Variants in TRIO observed in about 807,000 individuals in gnomAD.
TRIO encodes trio Rho guanine nucleotide exchange factor, also known as triple functional domain protein.
In TRIO, 58 loss-of-function variants were observed where a neutral mutation model predicts 351.9. That is an observed-to-expected ratio of 0.16 (90% CI 0.13 to 0.21). TRIO has a LOEUF of 0.21. TRIO is among the 10% of genes least tolerant of loss of function. The pLI is 1.00. For synonymous variants in TRIO, 1,758 were observed against 1,595.7 expected (o/e 1.10, Z -2.42); for missense variants, 3,201 against 4,027.8 (o/e 0.79, Z 5.56).
chr5:14,375,061 T>C (rs1027725786), intron 19 of TRIO, among the ~76,000 whole-genome samples: 2 of 152,218 alleles, frequency 1.3e-5, no homozygotes, highest in African/African-American at 2.4e-5. Context: ...AACAATATGA[T>C]TGGCAAAAAC....
At chr5:14,291,518 C>G (rs557608591) in intron 5 of TRIO, among the ~76,000 whole-genome samples, 7 of 151,638 alleles carry the variant, frequency 4.6e-5, no homozygotes, top group Non-Finnish European at 8.8e-5. Context: ...ACATTTCGGC[C>G]GTGCTCACGC....
At chr5:14,343,101 AAAAAAG>A (rs746339912) in intron 11 of TRIO, among the ~76,000 whole-genome samples, 18 of 152,154 alleles carry the variant, frequency 1.2e-4, no homozygotes, top group Admixed American at 3.9e-4. Flanking sequence ...AAAAAAAAAA[AAAAAAG>A]AGAGAGAAAT....
chr5:14,237,570 C>T (rs1184556707), intron 1 of TRIO, among the ~76,000 whole-genome samples: 3 of 152,108 alleles, frequency 2.0e-5, no homozygotes, highest in African/African-American at 7.2e-5. Context: ...ATGTGTCGTG[C>T]GCACACCTGC....
At chr5:14,214,593 T>C (rs1057047081) in intron 1 of TRIO, among the ~76,000 whole-genome samples, 22 of 152,244 alleles carry the variant, frequency 1.4e-4, no homozygotes, top group African/African-American at 5.1e-4. Context: ...GCATCTACCG[T>C]AGCTCACCAC....
intron 1 of TRIO, among the ~76,000 whole-genome samples, chr5:14,221,029 G>A (rs1792585214): frequency 1.3e-5 from 2 of 152,168 alleles, no homozygotes; most frequent in Admixed American, 1.3e-4. Flanking sequence ...TCTTGTTGGG[G>A]GCTAATGCAG....
rs149252703 is a variant in TRIO at position 14,508,306 on chromosome 5, G to A, written c.9178G>A (p.Val3060Ile). Residue 3060 changes from valine (V) to isoleucine (I), a missense_variant, in exon 57 of 57, where the codon GTC (valine) becomes ATC (isoleucine). Physicochemically the swap from Val to Ile is conservative, Grantham distance 29. This residue lies in a region of TRIO where 233 missense variants were observed against 292.6 expected (regional missense o/e 0.80). Transcript: ENST00000344204. ...GGCCGGCAACGGCAGAAGCACGGGC[G>A]TCCTCGACACGTCCAGACTGACTTC... ...LQAGNGRSTG[V>I]LDTSRLTSFI... 3.3e-4 allele frequency: 532 copies of A among 1,613,966 alleles called. 2 individuals are homozygous for A. The highest frequency in any genetic ancestry group is 1.5e-3 in the South Asian group (135 of 91,084).
At chr5:14,176,343 G>A (rs934348220) in intron 1 of TRIO, among the ~76,000 whole-genome samples, 23 of 152,212 alleles carry the variant, frequency 1.5e-4, no homozygotes, top group Admixed American at 9.8e-4. Flanking sequence ...GGTGGCGGGC[G>A]CCTGTAGTCC....
At position 14,419,760 on chromosome 5, in the gene TRIO, T is replaced by G. The variant is rs562411340; in HGVS notation, c.4960-18T>G. 1.8e-5 allele frequency: 29 copies of G among 1,613,588 alleles called. 1 individual carries two copies. The Admixed American group carries it at 4.7e-4, about 26-fold the overall frequency. ...CTCACACTGGCTGACCTGTCCTCTC[T>G]TCCTCTGTTCCCCCCAGCTCTCTGG... On this transcript the variant is annotated intron_variant, in intron 33 of 56. Coordinates refer to ENST00000344204, the MANE Select transcript of TRIO (RefSeq NM_007118.4).
At chr5:14,285,765 G>T (rs1054396974) in intron 3 of TRIO, among the ~76,000 whole-genome samples, 2 of 152,070 alleles carry the variant, frequency 1.3e-5, no homozygotes, top group Admixed American at 1.3e-4. Context: ...CCACATATGC[G>T]TATTGAGTAC....
In TRIO at chr5:14,508,434, G is replaced by A. The variant is rs369743344; in HGVS notation, c.*12G>A. On this transcript the variant is annotated 3_prime_UTR_variant, in exon 57 of 57. Coordinates refer to ENST00000344204, the MANE Select transcript of TRIO (RefSeq NM_007118.4). ...TGCCTAGAGTTTGACCTATCCAGAA[G>A]TTCTTTCTCATTCTCTTTCACCTGC... 7 of 1,570,976 alleles carry A rather than the reference G, an allele frequency of 4.5e-6. No individual in the cohort carries two copies. In the African/African-American group the frequency reaches 9.6e-5, roughly 21 times the overall value.
At chr5:14,211,876 C>G (rs1177637113) in intron 1 of TRIO, among the ~76,000 whole-genome samples, 1 of 151,462 alleles carries the variant, frequency 6.6e-6, no homozygotes, top group Admixed American at 6.6e-5. Flanking sequence ...CTTTGAGAGG[C>G]CAAAGTAGAA....
chr5:14,399,739 C>T (rs1197037585), intron 30 of TRIO, among the ~76,000 whole-genome samples: 1 of 152,166 alleles, frequency 6.6e-6, no homozygotes, highest in Admixed American at 6.5e-5. Flanking sequence ...TACCAGCCTC[C>T]CCAAGGGCAG....
In TRIO at chr5:14,476,975, A is replaced by T. The variant is rs775566597; in HGVS notation, c.6153+12A>T. 3.7e-6 allele frequency: 6 copies of T among 1,607,904 alleles called. No homozygotes were observed. In the South Asian group the frequency reaches 6.6e-5, roughly 18 times the overall value. On this transcript the variant is annotated intron_variant, in intron 41 of 56. Coordinates refer to ENST00000344204, the MANE Select transcript of TRIO (RefSeq NM_007118.4). ...TTTTTGTTAAACACGTAAGCACAAT[A>T]GCATTGCTTATATCCTGTTCTGATG...
chr5:14,372,838 C>T (rs1018380493), intron 18 of TRIO, among the ~76,000 whole-genome samples: 34 of 152,180 alleles, frequency 2.2e-4, no homozygotes, highest in African/African-American at 8.2e-4. Flanking sequence ...TAGTCTTCAG[C>T]GTCTTCCTTG....
At chr5:14,452,452 C>T (rs1403853611) in intron 34 of TRIO, among the ~76,000 whole-genome samples, 3 of 152,188 alleles carry the variant, frequency 2.0e-5, no homozygotes, top group Non-Finnish European at 4.4e-5. Flanking sequence ...AAAAGGGGGT[C>T]ATTGACTCAT....
intron 23 of TRIO, among the ~76,000 whole-genome samples, chr5:14,388,402 T>C (rs894227509): frequency 6.6e-6 from 1 of 152,236 alleles, no homozygotes; most frequent in African/African-American, 2.4e-5. Context: ...AACCCTGATC[T>C]GTCGGTACCT....
intron 18 of TRIO, among the ~76,000 whole-genome samples, chr5:14,372,545 T>C (rs1294973589): frequency 6.6e-6 from 1 of 152,210 alleles, no homozygotes; most frequent in African/African-American, 2.4e-5. Flanking sequence ...CTCGATTAGC[T>C]AGAATTATTC....
chr5:14,479,326 A>T lies in TRIO; in HGVS notation c.6219A>T (p.Ser2073=), dbSNP rs1312984426. 6.2e-7 allele frequency: 1 copy of T among 1,613,748 alleles called. No individual in the cohort carries two copies. The highest frequency in any genetic ancestry group is 1.7e-5 in the Admixed American group (1 of 59,982). Residue 2073 remains serine (S), a synonymous_variant, in exon 42 of 57, where the codon TCA becomes TCT. Transcript: ENST00000344204. ...AACCAAAGTCTGAGCACATTGTCTC[A>T]GAATACATTGATACCTTTTTTGAGG... The part of the protein sequence containing the change: ...QNKPKSEHIV[S]EYIDTFFEDL...
chr5:14,445,043 A>G (rs1275894495), intron 34 of TRIO, among the ~76,000 whole-genome samples: 1 of 152,152 alleles, frequency 6.6e-6, no homozygotes, highest in Non-Finnish European at 1.5e-5. Context: ...TTCTAAGTAT[A>G]TCTCTTCACT....
Sources: allele counts gnomAD v4.1 joint callset (sites outside exome capture counted in the v4.1 genomes callset), GRCh38; gene constraint gnomAD v4.1.1; regional missense constraint gnomAD v4.1.1; transcripts MANE v1.5; gene names NCBI Gene and HGNC (gene_info 2026-07-23, HGNC 2026-07-21).